TPSG1: variants seen among roughly 807,000 people sequenced by gnomAD.
The protein encoded by TPSG1 is tryptase gamma.
In TPSG1, 43 loss-of-function variants were observed where a neutral mutation model predicts 23.8. That is an observed-to-expected ratio of 1.81 (90% CI 1.42 to 2.33). The LOEUF is 2.33. TPSG1 is among the 30% of genes most tolerant of loss of function. The pLI is 0.00. For missense variants in TPSG1, 623 were observed against 438.6 expected (o/e 1.42, Z -3.75); for synonymous variants, 302 against 201.3 (o/e 1.50, Z -4.23).
chr16:1,223,890 G>A (rs1031945741), intron 2 of TPSG1: 1 of 457,590 alleles, frequency 2.2e-6, no homozygotes, highest in Non-Finnish European at 3.8e-6. Context: ...CTAGAAAGGG[G>A]CTCAGAACGG....
In TPSG1 at chr16:1,223,172, C is replaced by T. The variant is rs560057070; in HGVS notation, c.245+251G>A. Among the ~76,000 whole-genome samples, 4 of 152,310 alleles carry T rather than the reference C, an allele frequency of 2.6e-5. 1 individual carries two copies. In the East Asian group the frequency reaches 5.8e-4, roughly 22 times the overall value. On this transcript the variant is annotated intron_variant, in intron 3 of 5. Coordinates refer to ENST00000234798, the MANE Select transcript of TPSG1 (RefSeq NM_012467.4). ...CAGGGGCTGGTCAGGAGGCAGATTG[C>T]AAGCTCAGCTCCACGTGAAGAGACC... is the stretch of plus-strand genomic sequence containing the variant.
In TPSG1 at chr16:1,222,082, C is replaced by G; in HGVS notation, c.672G>C (p.Gly224=). Residue 224 remains glycine, a synonymous_variant, in exon 6 of 6, where the codon GGG becomes GGC. Transcript: ENST00000234798. ...CACCGTTCACCTGGCAGACCAGAGG[C>G]CCCCCGGAGTCGTCCTGAGGACAGA... The part of the protein sequence containing the change: ...PGDACQDDSG[G]PLVCQVNGAW... 6.2e-7 allele frequency: 1 copy of G among 1,612,756 alleles called. No homozygotes were observed. The highest frequency in any genetic ancestry group is 8.5e-7 in the Non-Finnish European group (1 of 1,179,986).
chr16:1,222,240 G>T lies in TPSG1; in HGVS notation c.613C>A (p.Gln205Lys). 6.2e-7 allele frequency: 1 copy of T among 1,612,174 alleles called. No individual in the cohort carries two copies. The stretch of plus-strand genomic sequence containing the variant: ...CCCCGGGCACACAGCATGTCGGGCT[G>T]AAGGATGCTGCCCCCGGGGCCGGGA... ...DYPGPGGSIL[Q>K]PDMLCARGPG... The change falls in exon 5 of 6, where the codon CAG becomes AAG. Residue 205 changes from glutamine (Q) to lysine (K), a missense_variant. Physicochemically the swap from Gln to Lys is moderately conservative, Grantham distance 53. Coordinates refer to ENST00000234798, the MANE Select transcript of TPSG1 (RefSeq NM_012467.4).
chr16:1,223,746 G>A lies in TPSG1; in HGVS notation c.74-152C>T, dbSNP rs931316543. On this transcript the variant is annotated intron_variant, in intron 2 of 5. Coordinates refer to ENST00000234798, the MANE Select transcript of TPSG1 (RefSeq NM_012467.4). ...GCCAGACTCTCCCCAGAAGCATCGT[G>A]GGTGCAGCAGAAATGACGTCTCAGG... 6.5e-6 allele frequency: 6 copies of A among 916,784 alleles called. No individual in the cohort carries two copies. The African/African-American group carries it at 8.7e-5, about 13-fold the overall frequency. 56.8% of individuals were successfully genotyped at this position (916,784 alleles called of 1,614,324 possible).
Position 1,221,834 on chromosome 16 carries a change from A to G in TPSG1, c.920T>C (p.Leu307Pro). The G allele has an allele frequency of 1.2e-6, 2 of 1,611,834 alleles. No homozygotes were observed. The highest frequency in any genetic ancestry group is 1.1e-5 in the South Asian group (1 of 90,962). The change falls in exon 6 of 6, where the codon CTG becomes CCG. Residue 307 changes from leucine to proline, a missense_variant. Transcript: ENST00000234798. ...LVSCVLLAKCLLHPSADGTPF... is the reference protein window; with the variant it reads ...LVSCVLLAKCPLHPSADGTPF... ...AGTACCATCCGCAGATGGGTGCAGCAGGCACTTGGCCAGCAGGACACAGGA... is the reference window on the plus strand; with the variant it reads ...AGTACCATCCGCAGATGGGTGCAGCGGGCACTTGGCCAGCAGGACACAGGA...
intron 4 of TPSG1, 128 bp from the exon 5 acceptor site, chr16:1,222,469 T>C: frequency 8.0e-7 from 1 of 1,246,874 alleles, no homozygotes; most frequent in East Asian, 2.3e-5. Context: ...GGTTGTGATC[T>C]GACGTTTGGC....
intron 1 of TPSG1, chr16:1,224,875 C>T: frequency 3.3e-6 from 2 of 601,760 alleles, no homozygotes; most frequent in Admixed American, 3.0e-5. Context: ...CTCCTCCCCG[C>T]CCTCCAGGTC....
chr16:1,222,357 C>A lies in TPSG1; in HGVS notation c.512-16G>T. The A allele has an allele frequency of 6.4e-7, 1 of 1,571,360 alleles. No homozygotes were observed. The stretch of plus-strand genomic sequence containing the variant: ...GGCAGAGGCTCTGGGGTGGGGGGAA[C>A]AGGCTTCAGAGAAGGTTGGGGCACC... On this transcript the variant is annotated splice_polypyrimidine_tract_variant and intron_variant, in intron 4 of 5. Coordinates refer to ENST00000234798, the MANE Select transcript of TPSG1 (RefSeq NM_012467.4).
chr16:1,222,503 G>A (rs1390431361), intron 4 of TPSG1, 149 bp downstream of exon 4: 7 of 1,296,740 alleles, frequency 5.4e-6, no homozygotes, highest in South Asian at 1.4e-5. Context: ...CCACACGACA[G>A]GCTTTGAAAA....
intron 2 of TPSG1, 68 bp from the exon 3 acceptor site, chr16:1,223,662 C>T: frequency 4.0e-6 from 6 of 1,486,634 alleles, no homozygotes; most frequent in Non-Finnish European, 5.3e-6. Context: ...CTCCATGAAG[C>T]CTTCCCTGAC....
rs1283477309 is a variant in TPSG1 at position 1,223,551 on chromosome 16, C to G, written c.117G>C (p.Val39=). 6 of 1,546,690 alleles carry G rather than the reference C, an allele frequency of 3.9e-6. No individual in the cohort carries two copies. Among genetic ancestry groups the G allele is most frequent in the African/African-American group, 1.4e-5 (1 of 73,092 alleles). Residue 39 remains valine, a synonymous_variant, in exon 3 of 6, where the codon GTG becomes GTC. Coordinates refer to ENST00000234798, the MANE Select transcript of TPSG1 (RefSeq NM_012467.4). ...CGCCGGCCGGGGCAGCGTGACCCCC[C>G]ACGATCCGGCCGCCTGCATCCGAAA... ...PQVSDAGGRI[V]GGHAAPAGAW...
intron 2 of TPSG1, among the ~76,000 whole-genome samples, 160 bp downstream of exon 2, chr16:1,224,442 C>T (rs997590089): frequency 3.3e-5 from 5 of 152,138 alleles, no homozygotes; most frequent in African/African-American, 1.2e-4. Context: ...ACACCCCGAC[C>T]AGCCCCACTC....
chr16:1,224,730 G>T, intron 1 of TPSG1, 102 bp from the exon 2 acceptor site: 2 of 1,485,126 alleles, frequency 1.3e-6, no homozygotes, highest in Non-Finnish European at 1.9e-6. Flanking sequence ...ACTGGGGTGG[G>T]GCCTGGTCCT....
rs1428779144 is a variant in TPSG1, at chr16:1,222,035, AC to A, written c.718del (p.Val240Ter). 26 of 1,612,624 alleles carry A rather than the reference AC, an allele frequency of 1.6e-5. No homozygotes were observed. Among genetic ancestry groups the A allele is most frequent in the Non-Finnish European group, 1.9e-5 (22 of 1,179,978 alleles). On this transcript the variant is annotated frameshift_variant, in exon 6 of 6. Coordinates refer to ENST00000234798, the MANE Select transcript of TPSG1 (RefSeq NM_012467.4). LOFTEE classifies it low-confidence loss of function (END_TRUNC). The part of the protein sequence containing the change: ...VNGAWVQAGT[V>X]SWGEGCGRPN... Reference sequence around the variant, plus strand: ...GCGGCCGCAGCCCTCACCCCAGCTCACAGTGCCAGCCTGCACCCAGGCACCG... The same window carrying A: ...GCGGCCGCAGCCCTCACCCCAGCTCAAGTGCCAGCCTGCACCCAGGCACCG...
rs1463311135 is a variant in TPSG1, at chr16:1,224,554, G to C, written c.73+48C>G. ...GAGGGTCACCGAGGCCCTCCTGCCA[G>C]GCCTTGCCTGCACCCTCCCCCACAC... On this transcript the variant is annotated intron_variant, in intron 2 of 5. Coordinates refer to ENST00000234798, the MANE Select transcript of TPSG1 (RefSeq NM_012467.4). The C allele has an allele frequency of 8.1e-6, 13 of 1,612,558 alleles. No homozygotes were observed. In the East Asian group the frequency reaches 2.0e-4, roughly 25 times the overall value.
At chr16:1,222,523 G>T (rs1001347526) in intron 4 of TPSG1, 129 bp downstream of exon 4, 10 of 1,359,702 alleles carry the variant, frequency 7.4e-6, no homozygotes, top group African/African-American at 7.3e-5. Flanking sequence ...AGGGACAGCC[G>T]ATAGGGGCGG....
chr16:1,222,827 C>G lies in TPSG1; in HGVS notation c.336G>C (p.Leu112=). 6.2e-7 allele frequency: 1 copy of G among 1,611,838 alleles called. No homozygotes were observed. Among genetic ancestry groups the G allele is most frequent in the Non-Finnish European group, 8.5e-7 (1 of 1,179,646 alleles). The change falls in exon 4 of 6, where the codon CTG becomes CTC. Residue 112 remains leucine, a synonymous_variant. Transcript: ENST00000234798. ...CCGGCTGTCCTGAGGGGCTGGAGTG[C>G]AGGATGATCTGCCTCACGGTGGAGA... ...PHFSTVRQII[L]HSSPSGQPGT...
At chr16:1,222,996 C>CT in intron 3 of TPSG1, 79 bp from the exon 4 acceptor site, 1 of 1,453,924 alleles carries the variant, frequency 6.9e-7, no homozygotes. Flanking sequence ...AGACCCTACC[C>CT]TTGCAGGCAT....
intron 3 of TPSG1, among the ~76,000 whole-genome samples, 173 bp from the exon 4 acceptor site, chr16:1,223,090 C>T (rs552037500): frequency 6.6e-6 from 1 of 152,320 alleles, no homozygotes; most frequent in East Asian, 1.9e-4. Context: ...AGGACCACGG[C>T]AGCACCTTGG....
Sources: allele counts gnomAD v4.1 joint callset (sites outside exome capture counted in the v4.1 genomes callset), GRCh38; gene constraint gnomAD v4.1.1; transcripts MANE v1.5; gene names NCBI Gene and HGNC (gene_info 2026-07-23, HGNC 2026-07-21).